Variants in SLC2A9 observed in about 807,000 individuals in gnomAD.
SLC2A9 encodes solute carrier family 2 member 9.
SLC2A9 carries 39 observed loss-of-function variants against 50.6 expected under a neutral mutation model. That is an observed-to-expected ratio of 0.77 (90% CI 0.60 to 1.01). The LOEUF is 1.01. SLC2A9 is among the 50% of genes least tolerant of loss of function. The pLI is 0.00. For synonymous variants in SLC2A9, 324 were observed against 276.9 expected (o/e 1.17, Z -1.69); for missense variants, 686 against 677.6 (o/e 1.01, Z -0.14).
intron 7 of SLC2A9, among the ~76,000 whole-genome samples, chr4:9,914,638 G>C (rs1284358557): frequency 6.6e-6 from 1 of 152,202 alleles, no homozygotes; most frequent in South Asian, 2.1e-4. Flanking sequence ...CTCTCTGTGA[G>C]CTCCTATTCT....
downstream of SLC2A9, among the ~76,000 whole-genome samples, chr4:9,779,416 CTT>C (rs926013681): frequency 1.1e-4 from 15 of 138,608 alleles, no homozygotes; most frequent in South Asian, 2.4e-4. Flanking sequence ...AGACTTTAAA[CTT>C]TTTTTTTTTT....
At chr4:9,860,494 CA>C (rs1731435805) in intron 10 of SLC2A9, among the ~76,000 whole-genome samples, 1 of 152,236 alleles carries the variant, frequency 6.6e-6, no homozygotes, top group South Asian at 2.1e-4. Flanking sequence ...ACCCAGTAAA[CA>C]AACGAACAGG....
intron 2 of SLC2A9, 121 bp downstream of exon 2, chr4:10,018,854 T>C (rs1344288440): frequency 8.7e-6 from 8 of 921,490 alleles, no homozygotes; most frequent in African/African-American, 5.0e-5. Context: ...CTAATCTCTG[T>C]CCCCGCGGTG....
intron 10 of SLC2A9, among the ~76,000 whole-genome samples, chr4:9,875,394 T>C (rs1277168877): frequency 3.9e-5 from 6 of 152,268 alleles, no homozygotes; most frequent in Admixed American, 3.9e-4. Context: ...CTGTCTCAGA[T>C]GGGATGCTGT....
chr4:9,908,378 G>T lies in SLC2A9; in HGVS notation c.1003-33C>A, dbSNP rs1462775184. On this transcript the variant is annotated intron_variant, in intron 7 of 11. Coordinates refer to ENST00000264784, the MANE Select transcript of SLC2A9 (RefSeq NM_020041.3). ...TCAGGAAAGAATGAGCAGAGAGAAT[G>T]GTCAGTGGAAGGACTTAATCTATTT... The T allele has an allele frequency of 5.5e-6, 8 of 1,443,280 alleles. 1 individual carries two copies. In the Middle Eastern group the frequency reaches 7.0e-4, roughly 126 times the overall value. The allele number at this position is 1,443,280 out of a possible 1,614,324, so 89.4% of individuals were successfully genotyped here. A position where few individuals can be genotyped will look rare whatever the true frequency, so the allele number is the denominator to read the frequency against.
At chr4:9,870,803 G>A (rs893826282) in intron 10 of SLC2A9, among the ~76,000 whole-genome samples, 1 of 152,244 alleles carries the variant, frequency 6.6e-6, no homozygotes, top group Non-Finnish European at 1.5e-5. Context: ...CCCAAGCAGG[G>A]CTCCCTGGAG....
At chr4:10,007,882 TA>T (rs11301291) in intron 2 of SLC2A9, among the ~76,000 whole-genome samples, 2,254 of 152,290 alleles carry the variant, frequency 0.015, 59 homozygotes, top group African/African-American at 0.05. Context: ...CCCTAGCTTG[TA>T]GATGAGGCCG....
chr4:9,928,357 T>C (rs761491681), intron 6 of SLC2A9, among the ~76,000 whole-genome samples: 8 of 152,208 alleles, frequency 5.3e-5, no homozygotes, highest in Non-Finnish European at 1.2e-4. Flanking sequence ...CAACCTTTTA[T>C]AAGAAACTGT....
chr4:9,870,891 T>A (rs1293692390), intron 10 of SLC2A9, among the ~76,000 whole-genome samples: 1 of 152,148 alleles, frequency 6.6e-6, no homozygotes, highest in East Asian at 1.9e-4. Context: ...GCCAAGTATC[T>A]AGCGCTGACC....
Position 9,799,692 on chromosome 4 carries a change from AC to A in SLC2A9, n.421-452del, listed in dbSNP as rs57223650. Among the ~76,000 whole-genome samples the A allele has an allele frequency of 1.7e-3, 120 of 69,858 alleles. 8 individuals are homozygous for A. The highest frequency in any genetic ancestry group is 5.7e-3 in the African/African-American group (100 of 17,684). 45.8% of individuals were successfully genotyped at this position (69,858 alleles called of 152,430 possible). On this transcript the variant is annotated intron_variant and non_coding_transcript_variant, in intron 3 of 3. Transcript: ENST00000503280. The stretch of plus-strand genomic sequence containing the variant: ...GCTTTCTGAGCTCCATTCCAATTGT[AC>A]CCCCCCCCCACCCAACTTCTACACC...
At chr4:9,997,661 T>C (rs966596286) in intron 2 of SLC2A9, among the ~76,000 whole-genome samples, 3 of 151,726 alleles carry the variant, frequency 2.0e-5, no homozygotes, top group East Asian at 3.9e-4. Flanking sequence ...GATTGCGCCA[T>C]TGCACTCCAG....
At chr4:10,005,866 C>T (rs1208773166) in intron 2 of SLC2A9, among the ~76,000 whole-genome samples, 1 of 152,184 alleles carries the variant, frequency 6.6e-6, no homozygotes, top group East Asian at 1.9e-4. Context: ...TCTGCCACTT[C>T]TTTGCTGGGT....
downstream of SLC2A9, among the ~76,000 whole-genome samples, chr4:9,824,498 G>A (rs1353687144): frequency 6.6e-6 from 1 of 152,052 alleles, no homozygotes; most frequent in African/African-American, 2.4e-5. Flanking sequence ...ATTTGGGAAG[G>A]TTTTCCTGAT....
chr4:9,889,746 A>C (rs893843049), intron 9 of SLC2A9, among the ~76,000 whole-genome samples: 1 of 152,178 alleles, frequency 6.6e-6, no homozygotes, highest in Non-Finnish European at 1.5e-5. Context: ...AAGATTAATC[A>C]ATTGCTGCAA....
chr4:10,018,781 C>T lies in SLC2A9; in HGVS notation c.249+194G>A, dbSNP rs1578367689. ...CCTCCAGCCGCAAGAACTGTCATCC[C>T]CCGCCCCTGTCCCCGTGTCATCATT... On this transcript the variant is annotated intron_variant, in intron 2 of 11. Coordinates refer to ENST00000264784, the MANE Select transcript of SLC2A9 (RefSeq NM_020041.3). Among the ~76,000 whole-genome samples the T allele has an allele frequency of 2.6e-5, 4 of 152,288 alleles. No individual in the cohort carries two copies. In the East Asian group the frequency reaches 7.7e-4, roughly 29 times the overall value.
intron 3 of SLC2A9, among the ~76,000 whole-genome samples, chr4:9,819,915 C>T (rs1724174804): frequency 1.3e-5 from 2 of 152,252 alleles, no homozygotes; most frequent in Admixed American, 6.5e-5. Context: ...GCCTGGGTGA[C>T]AGAGCGAGAC....
intron 3 of SLC2A9, chr4:9,782,961 C>G (rs1718688481): frequency 6.2e-7 from 1 of 1,613,832 alleles, no homozygotes. Flanking sequence ...TGCTGGCTGC[C>G]CTTCTTCATC....
intron 2 of SLC2A9, among the ~76,000 whole-genome samples, chr4:10,017,353 C>A (rs533143788): frequency 6.6e-6 from 1 of 152,278 alleles, no homozygotes; most frequent in South Asian, 2.1e-4. Context: ...AGCAAGAGTC[C>A]AAATTCCTAG....
intron 6 of SLC2A9, among the ~76,000 whole-genome samples, chr4:9,931,962 C>CTCTCTCTCTCTCTCTCTCTATATATA (rs1560329576): frequency 6.9e-5 from 1 of 14,580 alleles, no homozygotes; most frequent in Non-Finnish European, 1.1e-4. Context: ...CTCTCTCTCT[C>CTCTCTCTCTCTCTCTCTCTATATATA]TATATATATA....
Sources: gnomAD v4.1 joint callset for allele counts (sites outside exome capture counted in the v4.1 genomes callset) on GRCh38, gnomAD v4.1.1 for gene constraint, MANE v1.5 for transcripts, NCBI Gene and HGNC (gene_info 2026-07-23, HGNC 2026-07-21) for gene names.